The following GRID2IP variants were observed in gnomAD, a reference collection of about 807,000 sequenced individuals.
The protein encoded by GRID2IP is delphilin.
Under a neutral mutation model 114.3 loss-of-function variants are expected in GRID2IP, and 78 were observed. The observed-to-expected ratio is 0.68, with a 90% confidence interval of 0.57 to 0.82. GRID2IP has a LOEUF of 0.82. Ranked by LOEUF, GRID2IP falls within the 40% of genes least tolerant of loss-of-function variation. The pLI is 0.00. For synonymous variants in GRID2IP, 809 were observed against 724.0 expected (o/e 1.12, Z -1.89); for missense variants, 1,727 against 1,678.5 (o/e 1.03, Z -0.51).
At chr7:6,514,294 A>C (rs1285915813) in intron 8 of GRID2IP, 81 bp downstream of exon 8, 2 of 1,217,590 alleles carry the variant, frequency 1.6e-6, no homozygotes, top group Non-Finnish European at 2.2e-6. Context: ...CACATGTGAG[A>C]ACAGGTGTCT....
chr7:6,503,723 C>G (rs1786487482), intron 15 of GRID2IP, 36 bp from the exon 16 acceptor site: 1 of 1,377,998 alleles, frequency 7.3e-7, no homozygotes. Flanking sequence ...TGGGCGGGGC[C>G]GGAGCGGGGC....
chr7:6,500,862 G>A (rs1218083960), intron 20 of GRID2IP, among the ~76,000 whole-genome samples: 3 of 152,220 alleles, frequency 2.0e-5, no homozygotes, highest in Non-Finnish European at 2.9e-5. Flanking sequence ...GCCAGGCCCT[G>A]TTTGGAGGCT....
At chr7:6,512,149 T>G (rs1779181498) in intron 8 of GRID2IP, among the ~76,000 whole-genome samples, 2 of 149,232 alleles carry the variant, frequency 1.3e-5, no homozygotes, top group Non-Finnish European at 1.5e-5. Context: ...ACTCCTAACC[T>G]CAGGTGATCC....
In GRID2IP at chr7:6,543,694, T is replaced by C. The variant is rs535320368; in HGVS notation, c.430-3822A>G. Among the ~76,000 whole-genome samples the C allele has an allele frequency of 5.3e-5, 8 of 152,010 alleles. No individual in the cohort carries two copies. The South Asian group carries it at 1.7e-3, about 32-fold the overall frequency. ...GTGCAATCATAGCTCCCTGTGGCCT[T>C]GAACTCCTGTGTTCAAGCGATCCTC... is the stretch of plus-strand genomic sequence containing the variant. On this transcript the variant is annotated intron_variant, in intron 1 of 21. Transcript: ENST00000457091.
chr7:6,513,962 A>AAG (rs1401725924), intron 8 of GRID2IP, among the ~76,000 whole-genome samples: 8 of 150,242 alleles, frequency 5.3e-5, no homozygotes, highest in African/African-American at 9.8e-5. Context: ...AAAAAAAAAA[A>AAG]AAAAAAAAAG....
In GRID2IP at chr7:6,520,590, A is replaced by T; in HGVS notation, c.1256T>A (p.Phe419Tyr). The change falls in exon 7 of 22, where the codon TTC (phenylalanine) becomes TAC (tyrosine). Residue 419 changes from phenylalanine to tyrosine, a missense_variant. By Grantham distance (22) the Phe-to-Tyr change is conservative. Transcript: ENST00000457091. This position sits in a 1 kb window ranked among gnomAD's most constrained non-coding sequence, Gnocchi z 4.6. ...TTGGCCCGGCCACCTGTGCTGGAAG[A>T]AGCTCTCGAGGGCCCGGCAGACCCC... ...RYGVCRALES[F>Y]FQHRNIDTLI... The T allele has an allele frequency of 6.4e-7, 1 of 1,551,090 alleles. No individual in the cohort carries two copies.
chr7:6,539,194 T>C (rs1156953263), intron 2 of GRID2IP, among the ~76,000 whole-genome samples: 2 of 151,040 alleles, frequency 1.3e-5, no homozygotes, highest in African/African-American at 4.9e-5. Context: ...AGTGGCACAA[T>C]CATAGCTCAC....
intron 2 of GRID2IP, among the ~76,000 whole-genome samples, chr7:6,529,950 T>C (rs1779585609): frequency 2.0e-5 from 2 of 98,144 alleles, no homozygotes; most frequent in Admixed American, 2.2e-4. Context: ...TTTCTCTCTC[T>C]CTCTCTCTCT....
At chr7:6,518,659 C>T (rs1779356589) in intron 7 of GRID2IP, among the ~76,000 whole-genome samples, 1 of 151,928 alleles carries the variant, frequency 6.6e-6, no homozygotes, top group African/African-American at 2.4e-5. Context: ...TCGCTTGAAC[C>T]CAGGAGGGGG....
chr7:6,543,056 G>A (rs537775251), intron 1 of GRID2IP, among the ~76,000 whole-genome samples: 50 of 152,254 alleles, frequency 3.3e-4, no homozygotes, highest in African/African-American at 1.2e-3. Flanking sequence ...CTTCTCAACA[G>A]ACTCCGCATC....
chr7:6,542,491 A>G (rs983329767), intron 1 of GRID2IP, among the ~76,000 whole-genome samples: 1 of 151,840 alleles, frequency 6.6e-6, no homozygotes, highest in Non-Finnish European at 1.5e-5. Flanking sequence ...CCATTTCTAC[A>G]AACAAATTTT....
intron 2 of GRID2IP, among the ~76,000 whole-genome samples, chr7:6,531,849 G>C (rs948263691): frequency 6.6e-5 from 10 of 152,310 alleles, no homozygotes; most frequent in Admixed American, 4.6e-4. Flanking sequence ...GACCCAGAGG[G>C]GGGTGTTGGG....
In GRID2IP at chr7:6,505,839, G is replaced by A. The variant is rs1280760166; in HGVS notation, c.2613C>T (p.Phe871=). Residue 871 remains phenylalanine (F), a synonymous_variant, in exon 14 of 22, where the codon TTC becomes TTT. Transcript: ENST00000457091. The part of the protein sequence containing the change: ...MVKYLDLELH[F]GTQKPAKPVP... ...ACTCACTAGCAGGTTTCTGGGTGCC[G>A]AAGTGGAGCTCCAGGTCGAGGTATT... The A allele has an allele frequency of 1.6e-5, 25 of 1,551,786 alleles. No homozygotes were observed. Among genetic ancestry groups the A allele is most frequent in the Middle Eastern group, 1.7e-4 (1 of 5,994 alleles).
Position 6,520,891 on chromosome 7 carries a change from G to T in GRID2IP, c.1085-130C>A. 1.1e-6 allele frequency: 1 copy of T among 874,538 alleles called. No individual in the cohort carries two copies. Among genetic ancestry groups the T allele is most frequent in the Non-Finnish European group, 1.7e-6 (1 of 578,462 alleles). 54.2% of individuals were successfully genotyped at this position (874,538 alleles called of 1,614,324 possible). On this transcript the variant is annotated intron_variant, in intron 6 of 21. Transcript: ENST00000457091. The surrounding 1 kb of genome is among the most constrained non-coding windows in gnomAD (Gnocchi z 4.6). ...GCTGTCCAGTGCCATGCATGGGAAG[G>T]CATGCCTGTGGCCCGACACCGGGGC...
In GRID2IP at chr7:6,526,469, G is replaced by A. The variant is rs921653175; in HGVS notation, c.833+52C>T. On this transcript the variant is annotated intron_variant, in intron 3 of 21. Transcript: ENST00000457091. The surrounding 1 kb of genome is among the most constrained non-coding windows in gnomAD (Gnocchi z 7.6). ...CGCCCTCTCCCCGGGTCTCGGTCCC[G>A]AGCCCACCCGCAGGGAGGCGCCCGC... is the stretch of plus-strand genomic sequence containing the variant. The A allele has an allele frequency of 4.2e-6, 6 of 1,416,762 alleles. No individual in the cohort carries two copies. The South Asian group carries it at 4.6e-5, about 11-fold the overall frequency. The allele number at this position is 1,416,762 out of a possible 1,614,324, so 87.8% of individuals were successfully genotyped here.
intron 2 of GRID2IP, among the ~76,000 whole-genome samples, chr7:6,537,813 G>A (rs972834361): frequency 6.6e-6 from 1 of 152,034 alleles, no homozygotes; most frequent in African/African-American, 2.4e-5. Context: ...TCATGCCACT[G>A]CACTCCAGCC....
In GRID2IP at chr7:6,506,115, A is replaced by T. The variant is rs868261143; in HGVS notation, c.2545-208T>A. 5.9e-5 allele frequency among the ~76,000 whole-genome samples: 9 copies of T among 152,308 alleles called. No homozygotes were observed. The South Asian group carries it at 1.9e-3, about 32-fold the overall frequency. On this transcript the variant is annotated intron_variant, in intron 13 of 21. Coordinates refer to ENST00000457091, the MANE Select transcript of GRID2IP (RefSeq NM_001145118.2). The surrounding 1 kb of genome is among the most constrained non-coding windows in gnomAD (Gnocchi z 5.2). ...GCTGAGCCAGCGCCTCCTGGGGTCAATCGAGACTCAAGACTTGGAACACTA... is the reference window on the plus strand; with the variant it reads ...GCTGAGCCAGCGCCTCCTGGGGTCATTCGAGACTCAAGACTTGGAACACTA...
Position 6,536,419 on chromosome 7 carries a change from G to A in GRID2IP, c.584+3299C>T, listed in dbSNP as rs1779723370. Among the ~76,000 whole-genome samples, 1 of 152,208 alleles carries A rather than the reference G, an allele frequency of 6.6e-6. No homozygotes were observed. The highest frequency in any genetic ancestry group is 1.5e-5 in the Non-Finnish European group (1 of 68,018). On this transcript the variant is annotated intron_variant, in intron 2 of 21. Coordinates refer to ENST00000457091, the MANE Select transcript of GRID2IP (RefSeq NM_001145118.2). This position sits in a 1 kb window ranked among gnomAD's most constrained non-coding sequence, Gnocchi z 5.3. ...CGCGCCCAAGGGGGTTCCCCCTCCC[G>A]CGCCCTGCCCGACCCGCTGCCGCAG... is the stretch of plus-strand genomic sequence containing the variant.
chr7:6,502,452 G>A (rs1415581840), intron 18 of GRID2IP, among the ~76,000 whole-genome samples: 1 of 152,090 alleles, frequency 6.6e-6, no homozygotes, highest in Non-Finnish European at 1.5e-5. Flanking sequence ...CTGGCCTCAA[G>A]TGATCCTCTC....
Sources: allele counts gnomAD v4.1 joint callset (sites outside exome capture counted in the v4.1 genomes callset), GRCh38; gene constraint gnomAD v4.1.1; non-coding constraint Gnocchi (gnomAD v3.1); transcripts MANE v1.5; gene names NCBI Gene and HGNC (gene_info 2026-07-23, HGNC 2026-07-21).